The following RPS6KC1 variants were observed in gnomAD, a reference collection of about 807,000 sequenced individuals.
RPS6KC1 encodes inactive ribosomal protein S6 kinase delta-1.
In RPS6KC1, 54 loss-of-function variants were observed where a neutral mutation model predicts 103.8. The ratio of observed to expected loss-of-function variants is 0.52; its 90% CI spans 0.42 to 0.65. RPS6KC1 has a LOEUF of 0.65. Ranked by LOEUF, RPS6KC1 falls within the 30% of genes least tolerant of loss-of-function variation. The pLI, the probability that RPS6KC1 is intolerant of heterozygous loss-of-function variation, is 0.00. For missense variants in RPS6KC1, 1,151 were observed against 1,253.8 expected, an observed-to-expected ratio of 0.92 and a Z score of 1.24; for synonymous variants, 439 against 438.7, an observed-to-expected ratio of 1.00 and a Z score of -0.01.
At position 213,151,080 on chromosome 1, in the gene RPS6KC1, G is replaced by A. The variant is rs571709456; in HGVS notation, c.836-16778G>A. 1.9e-3 allele frequency among the ~76,000 whole-genome samples: 262 copies of A among 135,276 alleles called. 3 individuals carry two copies. The highest frequency in any genetic ancestry group is 6.9e-3 in the African/African-American group (239 of 34,530). 88.7% of individuals were successfully genotyped at this position (135,276 alleles called of 152,430 possible). A position where few individuals can be genotyped will look rare whatever the true frequency, so the allele number is the denominator to read the frequency against. On this transcript the variant is annotated intron_variant, in intron 6 of 14. Coordinates refer to ENST00000366960, the MANE Select transcript of RPS6KC1 (RefSeq NM_012424.6). ...CCAGTAGGGGCGGCCGGGCAGAGGC[G>A]CCCCTCACCTCCCGGATGGGGGGGC...
chr1:213,807,425 C>T, the RPS6KC1 span, among the ~76,000 whole-genome samples: 17 of 152,316 alleles, frequency 1.1e-4, no homozygotes, highest in East Asian at 1.9e-3. Context: ...ACCAATCAGA[C>T]GTAGATTTGG....
the RPS6KC1 span, among the ~76,000 whole-genome samples, chr1:213,696,188 G>A: frequency 5.3e-5 from 8 of 152,208 alleles, no homozygotes; most frequent in Admixed American, 5.2e-4. Context: ...CTTGATTACT[G>A]CTATTCTTCC....
intron 5 of RPS6KC1, among the ~76,000 whole-genome samples, chr1:213,128,837 G>A (rs924123189): frequency 1.3e-5 from 2 of 152,148 alleles, no homozygotes; most frequent in Non-Finnish European, 2.9e-5. Context: ...CTTCTGTCCC[G>A]AGCATTTCAG....
the RPS6KC1 span, among the ~76,000 whole-genome samples, chr1:213,751,413 C>T: frequency 1.3e-5 from 2 of 152,170 alleles, no homozygotes; most frequent in Non-Finnish European, 2.9e-5. Flanking sequence ...CCAGAGCACG[C>T]TGACAGCTGA....
chr1:213,633,820 A>G, the RPS6KC1 span, among the ~76,000 whole-genome samples: 1 of 144,634 alleles, frequency 6.9e-6, no homozygotes, highest in Non-Finnish European at 1.5e-5. Context: ...GTGCAGAGAC[A>G]CACAGAGGCT....
intron 6 of RPS6KC1, among the ~76,000 whole-genome samples, chr1:213,143,941 C>T (rs2087405447): frequency 2.6e-5 from 4 of 151,844 alleles, no homozygotes; most frequent in Admixed American, 2.0e-4. Context: ...CATCTCAAAG[C>T]CAGCAGTTTT....
At chr1:213,747,073 G>A in the RPS6KC1 span, among the ~76,000 whole-genome samples, 1 of 152,122 alleles carries the variant, frequency 6.6e-6, no homozygotes, top group South Asian at 2.1e-4. Flanking sequence ...GGGTGAGTAA[G>A]GATGGAGAAG....
chr1:213,515,352 T>A, the RPS6KC1 span, among the ~76,000 whole-genome samples: 1 of 152,232 alleles, frequency 6.6e-6, no homozygotes, highest in East Asian at 1.9e-4. Flanking sequence ...CTAGGGTTTT[T>A]ACGTTGTTAG....
the RPS6KC1 span, among the ~76,000 whole-genome samples, chr1:213,314,259 T>G: frequency 2.6e-5 from 4 of 152,230 alleles, no homozygotes; most frequent in Admixed American, 1.3e-4. Context: ...TGACCTCATC[T>G]TAACTTGATT....
intron 1 of RPS6KC1, among the ~76,000 whole-genome samples, chr1:213,055,421 T>TC (rs1248843088): frequency 1.3e-5 from 2 of 152,232 alleles, no homozygotes; most frequent in Non-Finnish European, 2.9e-5. Context: ...TGACTCATAT[T>TC]CCATTGTATG....
the RPS6KC1 span, among the ~76,000 whole-genome samples, chr1:213,356,101 G>A: frequency 2.0e-5 from 3 of 152,172 alleles, no homozygotes; most frequent in Non-Finnish European, 4.4e-5. Flanking sequence ...TCCAAAGATA[G>A]ACGAGGTCCC....
At chr1:213,522,770 G>T in the RPS6KC1 span, among the ~76,000 whole-genome samples, 1 of 152,174 alleles carries the variant, frequency 6.6e-6, no homozygotes, top group Non-Finnish European at 1.5e-5. Context: ...AGAATTGAAG[G>T]CAGCAGGACC....
At chr1:213,442,530 T>A in the RPS6KC1 span, among the ~76,000 whole-genome samples, 2 of 152,252 alleles carry the variant, frequency 1.3e-5, no homozygotes, top group African/African-American at 4.8e-5. Flanking sequence ...TGGACAGAGC[T>A]ACTCAACTAT....
chr1:213,550,685 C>T, the RPS6KC1 span, among the ~76,000 whole-genome samples: 9 of 152,284 alleles, frequency 5.9e-5, no homozygotes, highest in Admixed American at 1.3e-4. Flanking sequence ...TTTGTTAATA[C>T]GCTTGTCCTT....
chr1:213,114,944 A>G (rs1454143038), intron 4 of RPS6KC1, among the ~76,000 whole-genome samples: 1 of 152,084 alleles, frequency 6.6e-6, no homozygotes, highest in East Asian at 1.9e-4. Flanking sequence ...GTGCTGCTGG[A>G]TTTGGTTTGC....
intron 8 of RPS6KC1, among the ~76,000 whole-genome samples, chr1:213,209,277 A>G (rs922205946): frequency 9.2e-5 from 14 of 152,120 alleles, no homozygotes; most frequent in Admixed American, 7.9e-4. Flanking sequence ...TACCACCTCA[A>G]ACTTATCTTT....
the RPS6KC1 span, among the ~76,000 whole-genome samples, chr1:213,805,378 C>G: frequency 1.3e-5 from 2 of 151,586 alleles, no homozygotes; most frequent in South Asian, 4.2e-4. Context: ...TGCCGCTTTG[C>G]CAACGAAGTT....
the RPS6KC1 span, among the ~76,000 whole-genome samples, chr1:213,518,131 A>T: frequency 6.6e-6 from 1 of 152,298 alleles, no homozygotes. Flanking sequence ...CTGACACTGC[A>T]CATGTAAAAA....
chr1:213,108,177 C>T (rs538467130), intron 4 of RPS6KC1, among the ~76,000 whole-genome samples: 92 of 152,126 alleles, frequency 6.0e-4, no homozygotes, highest in African/African-American at 2.0e-3. Flanking sequence ...AGGAACTTTT[C>T]GAGTATCCCA....
Sources: allele counts gnomAD v4.1 joint callset (sites outside exome capture counted in the v4.1 genomes callset), GRCh38; gene constraint gnomAD v4.1.1; transcripts MANE v1.5; gene names NCBI Gene and HGNC (gene_info 2026-07-23, HGNC 2026-07-21).